Variants in CRACD observed in about 807,000 individuals in gnomAD.
CRACD encodes the protein capping protein-inhibiting regulator of actin dynamics.
A neutral mutation model predicts 106.8 loss-of-function variants in CRACD; 56 were observed. The observed-to-expected ratio is 0.52, with a 90% CI of 0.42 to 0.66. CRACD has a LOEUF of 0.66. CRACD is among the 30% of genes least tolerant of loss of function. The pLI is 0.00. For synonymous variants in CRACD, 754 were observed against 670.8 expected (o/e 1.12, Z -1.92); for missense variants, 1,730 against 1,623.2 (o/e 1.07, Z -1.13).
chr4:56,165,771 A>C (rs1288182731), intron 1 of CRACD, among the ~76,000 whole-genome samples: 3 of 152,258 alleles, frequency 2.0e-5, no homozygotes, highest in African/African-American at 7.2e-5. Flanking sequence ...TTTACCTTAC[A>C]AAGAAATTAA....
intron 2 of CRACD, among the ~76,000 whole-genome samples, chr4:56,198,830 G>A (rs1466866658): frequency 6.6e-6 from 1 of 152,124 alleles, no homozygotes; most frequent in Non-Finnish European, 1.5e-5. Flanking sequence ...TAAGACCAAA[G>A]TATTAACGTT....
At chr4:56,070,890 T>TGTGTGTGTGTGTGC (rs1553899918) in intron 1 of CRACD, among the ~76,000 whole-genome samples, 1 of 150,908 alleles carries the variant, frequency 6.6e-6, no homozygotes, top group Non-Finnish European at 1.5e-5. Flanking sequence ...TGTGTGTGTG[T>TGTGTGTGTGTGTGC]CCACAGGCAG....
chr4:56,313,479 T>A, intron 7 of CRACD, 100 bp downstream of exon 7: 1 of 1,046,416 alleles, frequency 9.6e-7, no homozygotes, highest in Non-Finnish European at 1.4e-6. Flanking sequence ...TGTAAAGACC[T>A]GAGAGTCTCC....
intron 2 of CRACD, among the ~76,000 whole-genome samples, chr4:56,211,050 C>A (rs1276901398): frequency 6.6e-6 from 1 of 152,138 alleles, no homozygotes. Context: ...CAGTAGGCAT[C>A]CCTAGATGAG....
chr4:56,312,144 C>T (rs1218880928), intron 6 of CRACD, among the ~76,000 whole-genome samples: 1 of 152,120 alleles, frequency 6.6e-6, no homozygotes, highest in Non-Finnish European at 1.5e-5. Context: ...CCTGAGACTT[C>T]TTTGGAGCGA....
chr4:56,193,991 ATAAGAGCAC>A (rs1014284136), intron 2 of CRACD, among the ~76,000 whole-genome samples: 86 of 152,322 alleles, frequency 5.6e-4, no homozygotes, highest in African/African-American at 1.8e-3. Context: ...AAATATAGCA[ATAAGAGCAC>A]TATAAAAGTC....
At chr4:56,063,273 A>G (rs1732344101) in intron 1 of CRACD, among the ~76,000 whole-genome samples, 1 of 151,992 alleles carries the variant, frequency 6.6e-6, no homozygotes, top group South Asian at 2.1e-4. Context: ...GGCTTACCAC[A>G]GCCTCGACCT....
At chr4:56,110,303 T>C (rs117337571) in intron 1 of CRACD, among the ~76,000 whole-genome samples, 1 of 152,322 alleles carries the variant, frequency 6.6e-6, no homozygotes, top group East Asian at 1.9e-4. Flanking sequence ...AAGTATGTTT[T>C]CACATATTCA....
chr4:56,194,168 A>G (rs1306867787), intron 2 of CRACD, among the ~76,000 whole-genome samples: 1 of 152,226 alleles, frequency 6.6e-6, no homozygotes, highest in East Asian at 1.9e-4. Context: ...GTGGCAAAAG[A>G]TTCTATAAAA....
At chr4:56,175,942 T>C (rs987659072) in intron 1 of CRACD, among the ~76,000 whole-genome samples, 3 of 152,256 alleles carry the variant, frequency 2.0e-5, no homozygotes, top group African/African-American at 7.2e-5. Context: ...TAATTCATTT[T>C]TATTTAATGT....
intron 4 of CRACD, among the ~76,000 whole-genome samples, chr4:56,307,115 G>A (rs1744776113): frequency 6.6e-6 from 1 of 152,188 alleles, no homozygotes; most frequent in Non-Finnish European, 1.5e-5. Context: ...TCCCTCAGTG[G>A]TTCCTACATT....
chr4:56,070,847 CTGTGTGTGTGTGTGTGTGTG>C (rs60372588), intron 1 of CRACD, among the ~76,000 whole-genome samples: 1 of 120,360 alleles, frequency 8.3e-6, no homozygotes, highest in African/African-American at 3.2e-5. Flanking sequence ...AGGGGCTATG[CTGTGTGTGTGTGTGTGTGTG>C]TGTGTGTGTG....
chr4:56,090,332 G>A (rs929710112), intron 1 of CRACD, among the ~76,000 whole-genome samples: 8 of 152,100 alleles, frequency 5.3e-5, no homozygotes, highest in Non-Finnish European at 1.2e-4. Context: ...ATACCCAGGC[G>A]TTCCTGTGGT....
intron 2 of CRACD, among the ~76,000 whole-genome samples, chr4:56,208,072 C>T (rs1738218839): frequency 6.6e-6 from 1 of 151,740 alleles, no homozygotes; most frequent in African/African-American, 2.4e-5. Context: ...CCTCGGCCTC[C>T]CAAAGTGCTG....
At position 56,328,704 on chromosome 4, in the gene CRACD, A is replaced by C; in HGVS notation, c.*900A>C. On this transcript the variant is annotated 3_prime_UTR_variant, in exon 11 of 11. Transcript: ENST00000682029. ...TATTCTGGCAAAAACTCTTCAGGTC[A>C]GTTCTGATAGATCCCAAAGGTTAAG... is the stretch of plus-strand genomic sequence containing the variant. The C allele has an allele frequency of 5.6e-6, 1 of 179,552 alleles. No individual in the cohort carries two copies. The allele number at this position is 179,552 out of a possible 1,614,324, so 11.1% of individuals were successfully genotyped here.
At chr4:56,092,704 T>C (rs1733462178) in intron 1 of CRACD, among the ~76,000 whole-genome samples, 2 of 152,090 alleles carry the variant, frequency 1.3e-5, no homozygotes, top group Admixed American at 1.3e-4. Context: ...TGGGCTCAAG[T>C]GATCCTCCCA....
At chr4:56,198,338 T>C (rs1344626236) in intron 2 of CRACD, among the ~76,000 whole-genome samples, 1 of 152,200 alleles carries the variant, frequency 6.6e-6, no homozygotes, top group Non-Finnish European at 1.5e-5. Context: ...ATTTGTGGTA[T>C]CATAGGTCTT....
At chr4:56,295,660 CATATATATAT>C (rs57635563) in intron 3 of CRACD, among the ~76,000 whole-genome samples, 2,048 of 108,640 alleles carry the variant, frequency 0.019, 41 homozygotes, top group East Asian at 0.034. Flanking sequence ...AATTAGTAAA[CATATATATAT>C]ATATATATAT....
intron 6 of CRACD, among the ~76,000 whole-genome samples, chr4:56,312,799 A>G (rs1234508974): frequency 1.3e-5 from 2 of 152,298 alleles, no homozygotes; most frequent in African/African-American, 4.8e-5. Context: ...CTCTTCCTTC[A>G]TAGCACAAAA....
Sources: gnomAD v4.1 joint callset for allele counts (sites outside exome capture counted in the v4.1 genomes callset) on GRCh38, gnomAD v4.1.1 for gene constraint, MANE v1.5 for transcripts, NCBI Gene and HGNC (gene_info 2026-07-23, HGNC 2026-07-21) for gene names.